Variants in ETFDH observed in about 807,000 individuals in gnomAD.
ETFDH encodes electron transfer flavoprotein-ubiquinone oxidoreductase, mitochondrial.
Under a neutral mutation model 73.2 loss-of-function variants are expected in ETFDH, and 61 were observed. The ratio of observed to expected loss-of-function variants is 0.83; its 90% CI spans 0.68 to 1.03. ETFDH has a LOEUF of 1.03. Among genes scored for constraint, ETFDH ranks in the 50% least tolerant of loss-of-function variants. ETFDH has a pLI of 0.00. For synonymous variants in ETFDH, 243 were observed against 253.3 expected (o/e 0.96, Z 0.39); for missense variants, 685 against 745.0 (o/e 0.92, Z 0.94).
intron 10 of ETFDH, among the ~76,000 whole-genome samples, chr4:158,704,730 A>G (rs1046530661): frequency 2.6e-5 from 4 of 152,208 alleles, no homozygotes; most frequent in African/African-American, 9.6e-5. Context: ...TATTTGATAA[A>G]TGAGTCTTAA....
At position 158,682,263 on chromosome 4, in the gene ETFDH, T is replaced by C; in HGVS notation, c.244T>C (p.Ser82Pro). The change falls in exon 3 of 13, where the codon TCT (serine) becomes CCT (proline). Residue 82 changes from serine to proline, a missense_variant. Ser to Pro is a moderately conservative substitution (Grantham distance 74). Transcript: ENST00000511912. ...VIVGAGPAGL[S>P]AAVRLKQLAV... is the part of the protein sequence containing the mutation. ...AGTTGGTGCAGGCCCTGCAGGGCTC[T>C]CTGCAGCTGTTCGTCTAAAACAGTT... 1.9e-6 allele frequency: 3 copies of C among 1,614,178 alleles called. No homozygotes were observed. The highest frequency in any genetic ancestry group is 2.5e-6 in the Non-Finnish European group (3 of 1,180,010).
At chr4:158,705,841 G>A (rs1234432836) in intron 10 of ETFDH, among the ~76,000 whole-genome samples, 1 of 152,210 alleles carries the variant, frequency 6.6e-6, no homozygotes, top group East Asian at 1.9e-4. Context: ...AGCACTTTGG[G>A]AGGCTGAGGC....
intron 9 of ETFDH, chr4:158,701,048 C>G (rs1462807367): frequency 6.6e-6 from 1 of 152,204 alleles, no homozygotes; most frequent in Non-Finnish European, 1.5e-5. Flanking sequence ...TAGTAGGTTT[C>G]TAATTACTTG....
At chr4:158,675,958 AG>A (rs1224236157) in intron 1 of ETFDH, among the ~76,000 whole-genome samples, 3 of 152,188 alleles carry the variant, frequency 2.0e-5, no homozygotes, top group African/African-American at 7.2e-5. Flanking sequence ...GAGTGTATGA[AG>A]GTTCCAATTT....
intron 6 of ETFDH, among the ~76,000 whole-genome samples, chr4:158,691,193 G>C (rs1231440978): frequency 6.6e-6 from 1 of 152,180 alleles, no homozygotes; most frequent in Non-Finnish European, 1.5e-5. Flanking sequence ...TCAATCCACT[G>C]CATTAACCAA....
rs575117989 is a variant in ETFDH, at chr4:158,672,321, G to A, written c.-136G>A. 7.9e-6 allele frequency: 7 copies of A among 880,944 alleles called. No individual in the cohort carries two copies. The highest frequency in any genetic ancestry group is 1.4e-5 in the Non-Finnish European group (7 of 517,904). The allele number at this position is 880,944 out of a possible 1,614,324, so 54.6% of individuals were successfully genotyped here. On this transcript the variant is annotated 5_prime_UTR_variant, in exon 1 of 13. Transcript: ENST00000511912. ...GTGAAGCAAGAGCGGTCGGCAGAGC[G>A]GGGAGGCGAACTGCAGCAGAGTTCT...
intron 2 of ETFDH, among the ~76,000 whole-genome samples, chr4:158,680,886 T>C (rs543914414): frequency 1.2e-4 from 19 of 152,332 alleles, no homozygotes; most frequent in African/African-American, 4.3e-4. Flanking sequence ...ACTCAATTAT[T>C]TGTGGTGAGT....
At chr4:158,674,498 G>A (rs1580389324) in intron 1 of ETFDH, among the ~76,000 whole-genome samples, 1 of 152,028 alleles carries the variant, frequency 6.6e-6, no homozygotes, top group East Asian at 1.9e-4. Flanking sequence ...ACGGGGTTTT[G>A]CCATGTTGGC....
chr4:158,675,558 G>A (rs1236480551), intron 1 of ETFDH, among the ~76,000 whole-genome samples: 1 of 152,142 alleles, frequency 6.6e-6, no homozygotes. Flanking sequence ...CTCGAGCCCA[G>A]GATTTCGAGA....
chr4:158,699,716 A>G (rs1215000053), intron 9 of ETFDH, among the ~76,000 whole-genome samples: 1 of 152,242 alleles, frequency 6.6e-6, no homozygotes, highest in Non-Finnish European at 1.5e-5. Context: ...AGGCAAATTT[A>G]GTTTTCAGCA....
Position 158,706,751 on chromosome 4 carries a change from C to G in ETFDH, c.1591C>G (p.His531Asp). Residue 531 changes from histidine (H) to aspartate (D), a missense_variant, in exon 12 of 13, where the codon CAT becomes GAT. Transcript: ENST00000511912. ...SVALSGTNHE[H>D]DQPAHLTLRD... Reference sequence around the variant, plus strand: ...GGCTCTGAGTGGTACTAATCATGAACATGACCAGCCGGCACACTTAACCTT... The same window carrying G: ...GGCTCTGAGTGGTACTAATCATGAAGATGACCAGCCGGCACACTTAACCTT... 1.9e-6 allele frequency: 3 copies of G among 1,613,784 alleles called. No individual in the cohort carries two copies. The highest frequency in any genetic ancestry group is 2.5e-6 in the Non-Finnish European group (3 of 1,179,720).
At chr4:158,685,349 G>A (rs1384158040) in intron 5 of ETFDH, 130 bp downstream of exon 5, 2 of 656,412 alleles carry the variant, frequency 3.0e-6, no homozygotes, top group South Asian at 3.3e-5. Flanking sequence ...AAGATTAGAA[G>A]GAATCTTTAA....
chr4:158,688,234 A>G lies in ETFDH; in HGVS notation c.607-2114A>G, dbSNP rs559791336. Among the ~76,000 whole-genome samples, 358 of 150,950 alleles carry G rather than the reference A, an allele frequency of 2.4e-3. 1 individual carries two copies. Among genetic ancestry groups the G allele is most frequent in the Middle Eastern group, 6.8e-3 (2 of 292 alleles). ...TGGTGAAACCCCCTCTCTACTAAAA[A>G]TACAAAAATTAGCTGGGTGTGGTGG... On this transcript the variant is annotated intron_variant, in intron 5 of 12. Coordinates refer to ENST00000511912, the MANE Select transcript of ETFDH (RefSeq NM_004453.4).
chr4:158,708,299 T>G, intron 12 of ETFDH, 65 bp from the exon 13 acceptor site: 1 of 1,255,570 alleles, frequency 8.0e-7, no homozygotes, highest in Non-Finnish European at 1.1e-6. Context: ...TCCTTAATTT[T>G]TACTTTTGAA....
In ETFDH at chr4:158,697,677, C is replaced by A; in HGVS notation, c.950C>A (p.Pro317His). 6.2e-7 allele frequency: 1 copy of A among 1,613,728 alleles called. No homozygotes were observed. The highest frequency in any genetic ancestry group is 8.5e-7 in the Non-Finnish European group (1 of 1,179,782). ...SFLYHLNEGEPLVALGLVVGL... is the reference protein window; with the variant it reads ...SFLYHLNEGEHLVALGLVVGL... ...CTCTATCATTTGAATGAAGGTGAACCCCTAGTAGCTCTTGGTCTTGTGGTA... is the reference window on the plus strand; with the variant it reads ...CTCTATCATTTGAATGAAGGTGAACACCTAGTAGCTCTTGGTCTTGTGGTA... The change falls in exon 8 of 13, where the codon CCC becomes CAC. Residue 317 changes from proline (P) to histidine (H), a missense_variant. This residue lies in a region of ETFDH where 405 missense variants were observed against 399.3 expected (regional missense o/e 1.01). Coordinates refer to ENST00000511912, the MANE Select transcript of ETFDH (RefSeq NM_004453.4).
At chr4:158,687,766 C>T (rs769223509) in intron 5 of ETFDH, among the ~76,000 whole-genome samples, 6 of 152,280 alleles carry the variant, frequency 3.9e-5, no homozygotes, top group Admixed American at 6.5e-5. Flanking sequence ...CTTGGCCGGG[C>T]GCAGTGGCTC....
At position 158,697,543 on chromosome 4, in the gene ETFDH, C is replaced by CTT. The variant is rs376153836; in HGVS notation, c.832-4_832-3dup. On this transcript the variant is annotated splice_polypyrimidine_tract_variant and intron_variant, in intron 7 of 12. Transcript: ENST00000511912. ...AAATACTGCAGGACTTTTTTGTTTG[C>CTT]TTTTTTTTTTTTTAGTTATGGGTTA... The CTT allele has an allele frequency of 1.0e-4, 136 of 1,359,752 alleles. No homozygotes were observed. Among genetic ancestry groups the CTT allele is most frequent in the Non-Finnish European group, 1.1e-4 (113 of 982,734 alleles). 84.2% of individuals were successfully genotyped at this position (1,359,752 alleles called of 1,614,324 possible).
At chr4:158,693,956 C>T (rs1024052434) in intron 6 of ETFDH, among the ~76,000 whole-genome samples, 7 of 152,016 alleles carry the variant, frequency 4.6e-5, no homozygotes, top group Non-Finnish European at 1.0e-4. Context: ...AGTAAAGATA[C>T]TTAAATATGT....
At chr4:158,690,005 A>ATGTGTTCTT (rs1221139073) in intron 5 of ETFDH, among the ~76,000 whole-genome samples, 2 of 152,094 alleles carry the variant, frequency 1.3e-5, no homozygotes, top group African/African-American at 4.8e-5. Context: ...TTCATGTGTT[A>ATGTGTTCTT]CAGGCCTCCA....
Sources: gnomAD v4.1 joint callset for allele counts (sites outside exome capture counted in the v4.1 genomes callset) on GRCh38, gnomAD v4.1.1 for gene constraint, gnomAD v4.1.1 regional missense constraint, MANE v1.5 for transcripts, NCBI Gene and HGNC (gene_info 2026-07-23, HGNC 2026-07-21) for gene names.